Variants in NR3C2 observed in about 807,000 individuals in gnomAD.
The protein encoded by NR3C2 is mineralocorticoid receptor.
A neutral mutation model predicts 86.4 loss-of-function variants in NR3C2; 15 were observed. That is an observed-to-expected ratio of 0.17 (90% CI 0.12 to 0.27). The LOEUF is 0.27. Ranked by LOEUF, NR3C2 falls within the 10% of genes least tolerant of loss-of-function variation. NR3C2 has a pLI of 1.00. For synonymous variants in NR3C2, 458 were observed against 450.5 expected, an observed-to-expected ratio of 1.02 and a Z score of -0.21; for missense variants, 960 against 1,195.6, an observed-to-expected ratio of 0.80 and a Z score of 2.91.
chr4:148,085,203 C>T (rs1380081669), intron 8 of NR3C2, among the ~76,000 whole-genome samples: 3 of 152,178 alleles, frequency 2.0e-5, no homozygotes, highest in Non-Finnish European at 2.9e-5. Context: ...ATACATTCTT[C>T]TCAGCACCTC....
At chr4:148,339,636 C>T (rs542557850) in intron 2 of NR3C2, among the ~76,000 whole-genome samples, 15 of 151,962 alleles carry the variant, frequency 9.9e-5, no homozygotes, top group East Asian at 1.9e-4. Flanking sequence ...TCAGATACAA[C>T]GTCTATAAAA....
chr4:148,424,976 T>C (rs1427011253), intron 2 of NR3C2, among the ~76,000 whole-genome samples: 2 of 152,032 alleles, frequency 1.3e-5, no homozygotes, highest in Non-Finnish European at 2.9e-5. Context: ...GAATATATCA[T>C]TACCAACTAC....
At chr4:148,262,319 G>A (rs1400683490) in intron 2 of NR3C2, among the ~76,000 whole-genome samples, 4 of 151,552 alleles carry the variant, frequency 2.6e-5, no homozygotes, top group Non-Finnish European at 5.9e-5. Flanking sequence ...TTACTTTCTC[G>A]GTGATCTCAT....
intron 2 of NR3C2, among the ~76,000 whole-genome samples, chr4:148,302,989 T>C (rs1260536998): frequency 6.6e-6 from 1 of 152,158 alleles, no homozygotes; most frequent in Non-Finnish European, 1.5e-5. Context: ...TAGAAAGTCC[T>C]ATCTGAGATT....
intron 6 of NR3C2, among the ~76,000 whole-genome samples, chr4:148,147,579 CAGTGAAATAAGGCAGAGATACACGT>C (rs1423787599): frequency 2.0e-5 from 3 of 152,132 alleles, no homozygotes; most frequent in African/African-American, 7.2e-5. Context: ...TGAGGTATGC[CAGTGAAATAAGGCAGAGATACACGT>C]ACTTAAGAGC....
chr4:148,382,696 T>TA (rs1306528482), intron 2 of NR3C2, among the ~76,000 whole-genome samples: 3 of 152,336 alleles, frequency 2.0e-5, no homozygotes, highest in African/African-American at 7.2e-5. Flanking sequence ...ATCTTTTCTT[T>TA]AAAAAATGCT....
intron 2 of NR3C2, among the ~76,000 whole-genome samples, chr4:148,363,186 C>A (rs561656974): frequency 6.6e-6 from 1 of 152,120 alleles, no homozygotes; most frequent in Admixed American, 6.5e-5. Context: ...CCATGAGGGG[C>A]TAATCAAGAG....
chr4:148,219,869 CA>C (rs1156550438), intron 3 of NR3C2, among the ~76,000 whole-genome samples: 1 of 152,112 alleles, frequency 6.6e-6, no homozygotes, highest in African/African-American at 2.4e-5. Flanking sequence ...ATTTCTAGCA[CA>C]AAAAATGTCA....
chr4:148,172,231 C>T lies in NR3C2; in HGVS notation c.2015-17330G>A, dbSNP rs1735161987. On this transcript the variant is annotated intron_variant, in intron 4 of 8. Transcript: ENST00000358102. ...CAAAGTTCACTACAAACCATCAAAC[C>T]AGGATTGAAATTCCTGCCTTAACAG... 2.6e-5 allele frequency among the ~76,000 whole-genome samples: 4 copies of T among 152,022 alleles called. No homozygotes were observed. In the South Asian group the frequency reaches 6.2e-4, roughly 24 times the overall value.
chr4:148,186,996 G>GTATATATATATA (rs1162757665), intron 4 of NR3C2, among the ~76,000 whole-genome samples: 6 of 27,178 alleles, frequency 2.2e-4, no homozygotes, highest in East Asian at 2.5e-3. Flanking sequence ...GTGTATGTAT[G>GTATATATATATA]TATATATATA....
At chr4:148,345,657 G>A (rs1380227966) in intron 2 of NR3C2, among the ~76,000 whole-genome samples, 1 of 151,764 alleles carries the variant, frequency 6.6e-6, no homozygotes, top group African/African-American at 2.4e-5. Flanking sequence ...TCTGTCACTA[G>A]GTATTCAAGC....
chr4:148,282,214 C>T (rs896164239), intron 2 of NR3C2, among the ~76,000 whole-genome samples: 4 of 151,952 alleles, frequency 2.6e-5, no homozygotes, highest in Non-Finnish European at 4.4e-5. Flanking sequence ...ATTTTTAGTA[C>T]AGACAGGGTT....
intron 2 of NR3C2, among the ~76,000 whole-genome samples, chr4:148,366,776 C>CA (rs34440852): frequency 1.3e-5 from 2 of 151,916 alleles, no homozygotes; most frequent in Non-Finnish European, 2.9e-5. Flanking sequence ...ATTACCCCCC[C>CA]AAAAAAACCC....
intron 4 of NR3C2, among the ~76,000 whole-genome samples, chr4:148,164,880 T>C (rs1303529725): frequency 6.6e-6 from 1 of 152,214 alleles, no homozygotes. Flanking sequence ...TCCCAAGTTC[T>C]AGCATGATCT....
At chr4:148,269,976 C>G (rs1740593263) in intron 2 of NR3C2, among the ~76,000 whole-genome samples, 1 of 152,080 alleles carries the variant, frequency 6.6e-6, no homozygotes, top group Non-Finnish European at 1.5e-5. Flanking sequence ...AAGATACAGA[C>G]TTAGATGCTG....
intron 3 of NR3C2, among the ~76,000 whole-genome samples, chr4:148,212,698 A>G (rs1362389127): frequency 1.3e-5 from 2 of 152,224 alleles, no homozygotes; most frequent in East Asian, 3.8e-4. Context: ...TTTAAATGAA[A>G]AGTACATTTC....
intron 4 of NR3C2, among the ~76,000 whole-genome samples, chr4:148,192,812 T>A (rs1377757061): frequency 6.6e-6 from 1 of 152,026 alleles, no homozygotes; most frequent in African/African-American, 2.4e-5. Context: ...ACTAAAGGGC[T>A]GGTTTCACTC....
chr4:148,153,448 A>G (rs771540605), intron 5 of NR3C2, among the ~76,000 whole-genome samples: 7 of 152,132 alleles, frequency 4.6e-5, no homozygotes, highest in Non-Finnish European at 5.9e-5. Flanking sequence ...AAAGTCTGGG[A>G]TTACAGGCAT....
intron 3 of NR3C2, among the ~76,000 whole-genome samples, chr4:148,247,422 G>A (rs1245006948): frequency 6.6e-6 from 1 of 152,156 alleles, no homozygotes; most frequent in African/African-American, 2.4e-5. Context: ...GAGTTCAGTA[G>A]TGGGCAACTT....
Sources: allele counts gnomAD v4.1 joint callset (sites outside exome capture counted in the v4.1 genomes callset), GRCh38; gene constraint gnomAD v4.1.1; transcripts MANE v1.5; gene names NCBI Gene and HGNC (gene_info 2026-07-23, HGNC 2026-07-21).